The following CCDC178 variants were observed in gnomAD, a reference collection of about 807,000 sequenced individuals.
CCDC178 encodes coiled-coil domain-containing protein 178.
Under a neutral mutation model 117.4 loss-of-function variants are expected in CCDC178, and 126 were observed. The observed-to-expected ratio is 1.07, with a 90% confidence interval of 0.93 to 1.24. CCDC178 has a LOEUF of 1.24. Among genes scored for constraint, CCDC178 ranks in the 50% most tolerant of loss-of-function variants. CCDC178 has a pLI of 0.00. For missense variants in CCDC178, 1,030 were observed against 986.9 expected, an observed-to-expected ratio of 1.04 and a Z score of -0.59; for synonymous variants, 283 against 313.4, an observed-to-expected ratio of 0.90 and a Z score of 1.02.
chr18:32,979,850 A>C (rs561486241), intron 21 of CCDC178, among the ~76,000 whole-genome samples: 1 of 152,338 alleles, frequency 6.6e-6, no homozygotes, highest in South Asian at 2.1e-4. Flanking sequence ...ATTAAGAGTA[A>C]TATTAGGATC....
rs36227101 is a variant in CCDC178 at position 33,278,282 on chromosome 18, CATATATATATATATAT to C, written c.1177-11001_1177-10986del. Among the ~76,000 whole-genome samples the C allele has an allele frequency of 8.6e-3, 1,208 of 141,232 alleles. 18 individuals carry two copies. Among genetic ancestry groups the C allele is most frequent in the African/African-American group, 0.026 (998 of 38,208 alleles). The allele number at this position is 141,232 out of a possible 152,430, so 92.7% of individuals were successfully genotyped here. A position where few individuals can be genotyped will look rare whatever the true frequency, so the allele number is the denominator to read the frequency against. On this transcript the variant is annotated intron_variant, in intron 12 of 22. Coordinates refer to ENST00000383096, the MANE Select transcript of CCDC178 (RefSeq NM_001105528.4). Reference sequence around the variant, plus strand: ...ACATACACATATATATACACAAATACATATATATATATATATATATATATATATATATATTTACTTC... The same window carrying C: ...ACATACACATATATATACACAAATACATATATATATATATATATTTACTTC...
intron 21 of CCDC178, among the ~76,000 whole-genome samples, chr18:33,019,171 G>T (rs2056060860): frequency 6.6e-6 from 1 of 152,140 alleles, no homozygotes; most frequent in South Asian, 2.1e-4. Context: ...AATCGGCACT[G>T]TAAGTATTTT....
chr18:33,269,903 T>C (rs1462595379), intron 12 of CCDC178, among the ~76,000 whole-genome samples: 1 of 151,766 alleles, frequency 6.6e-6, no homozygotes, highest in Non-Finnish European at 1.5e-5. Context: ...ATAGAAATTA[T>C]CTCAGGGGAA....
intron 11 of CCDC178, among the ~76,000 whole-genome samples, chr18:33,302,612 C>T (rs1456813942): frequency 6.6e-6 from 1 of 152,152 alleles, no homozygotes; most frequent in Admixed American, 6.5e-5. Context: ...ATGGAATCAA[C>T]CTAGGTGTCC....
rs772741858 is a variant in CCDC178, at chr18:33,226,116, G to A, written c.1656+677C>T. ...GCAGAGGTTATGGTGAGCCAAGATC[G>A]TGCCACTGCACTCCAGCCTGGCGAC... On this transcript the variant is annotated intron_variant, in intron 16 of 22. Transcript: ENST00000383096. 7.8e-4 allele frequency among the ~76,000 whole-genome samples: 119 copies of A among 152,282 alleles called. 1 individual carries two copies. The highest frequency in any genetic ancestry group is 3.4e-3 in the Middle Eastern group (1 of 294).
chr18:33,272,868 G>A (rs1038549413), intron 12 of CCDC178, among the ~76,000 whole-genome samples: 1 of 151,116 alleles, frequency 6.6e-6, no homozygotes, highest in East Asian at 1.9e-4. Context: ...AAAAAATTCA[G>A]TAAACTAACA....
At chr18:33,140,793 A>T (rs544229923) in intron 20 of CCDC178, among the ~76,000 whole-genome samples, 16 of 152,298 alleles carry the variant, frequency 1.1e-4, no homozygotes, top group African/African-American at 3.8e-4. Flanking sequence ...TGGTTTTGAA[A>T]TGTCAGGACA....
chr18:33,173,714 G>A (rs767109500), intron 20 of CCDC178, among the ~76,000 whole-genome samples: 12 of 152,120 alleles, frequency 7.9e-5, no homozygotes, highest in Non-Finnish European at 1.5e-4. Flanking sequence ...TAAAGCTTCT[G>A]CCGTGACTGT....
intron 11 of CCDC178, among the ~76,000 whole-genome samples, chr18:33,303,323 C>T (rs1223319853): frequency 6.6e-6 from 1 of 151,980 alleles, no homozygotes; most frequent in Non-Finnish European, 1.5e-5. Context: ...CAGGGATTAC[C>T]AGGAGTTAGG....
chr18:33,408,182 TTAA>T (rs2144884861), intron 3 of CCDC178, among the ~76,000 whole-genome samples: 2 of 152,010 alleles, frequency 1.3e-5, no homozygotes, highest in South Asian at 4.1e-4. Context: ...AGAAAAAGTA[TTAA>T]TAAAATTCAC....
Position 33,226,833 on chromosome 18 carries a change from T to C in CCDC178, c.1616A>G (p.Lys539Arg), listed in dbSNP as rs201782989. The change falls in exon 16 of 23, where the codon AAA becomes AGA. Residue 539 changes from lysine (K) to arginine (R), a missense_variant. Physicochemically the swap from Lys to Arg is conservative, Grantham distance 26. Transcript: ENST00000383096. Reference protein sequence around the residue: ...KFKGREEFLKKLTQGEVAAGM... With the variant: ...KFKGREEFLKRLTQGEVAAGM... The stretch of plus-strand genomic sequence containing the variant: ...AGCAGCCACTTCACCTTGAGTGAGT[T>C]TTTTCAGGAATTCTTCTCTACCCTA... 1.4e-4 allele frequency: 230 copies of C among 1,601,904 alleles called. No individual in the cohort carries two copies. Among genetic ancestry groups the C allele is most frequent in the Non-Finnish European group, 1.8e-4 (208 of 1,172,320 alleles).
intron 20 of CCDC178, among the ~76,000 whole-genome samples, chr18:33,131,834 G>A (rs1479031495): frequency 6.6e-6 from 1 of 151,536 alleles, no homozygotes. Flanking sequence ...ATAATTCCAG[G>A]CCCAAGTCAG....
chr18:33,225,228 T>A (rs896616749), intron 16 of CCDC178, among the ~76,000 whole-genome samples: 3 of 151,948 alleles, frequency 2.0e-5, no homozygotes, highest in Admixed American at 1.3e-4. Flanking sequence ...AGTGGCATAA[T>A]CTCTGTTCAC....
intron 22 of CCDC178, among the ~76,000 whole-genome samples, chr18:32,961,853 G>C (rs2054711346): frequency 6.6e-6 from 1 of 152,000 alleles, no homozygotes; most frequent in South Asian, 2.1e-4. Context: ...TGGGGGTTGA[G>C]GACCCTTGGT....
chr18:33,322,651 T>C (rs1316787088), intron 11 of CCDC178, among the ~76,000 whole-genome samples: 1 of 151,484 alleles, frequency 6.6e-6, no homozygotes, highest in East Asian at 1.9e-4. Flanking sequence ...ATGATAAAAA[T>C]TAGAAAATAT....
At chr18:33,349,225 A>AT (rs1033600474) in intron 7 of CCDC178, among the ~76,000 whole-genome samples, 8 of 151,862 alleles carry the variant, frequency 5.3e-5, no homozygotes, top group African/African-American at 1.4e-4. Flanking sequence ...TTAAAACTAC[A>AT]TTTTTTTAAA....
chr18:33,215,637 A>G lies in CCDC178; in HGVS notation c.1991T>C (p.Phe664Ser). The G allele has an allele frequency of 1.3e-6, 2 of 1,535,372 alleles. No individual in the cohort carries two copies. Among genetic ancestry groups the G allele is most frequent in the Non-Finnish European group, 1.7e-6 (2 of 1,148,442 alleles). Residue 664 changes from phenylalanine (F) to serine (S), a missense_variant, in exon 19 of 23, where the codon TTT becomes TCT. Physicochemically the swap from Phe to Ser is radical, Grantham distance 155. Coordinates refer to ENST00000383096, the MANE Select transcript of CCDC178 (RefSeq NM_001105528.4). ...LEATKSKTMI[F>S]YAKINELNEE... is the part of the protein sequence containing the mutation. ...ATTCAATTCATTTATTTTTGCATAA[A>G]AAATCATTGTCTTACTTTTAGTTGC...
intron 21 of CCDC178, among the ~76,000 whole-genome samples, chr18:33,001,492 G>A (rs1305418420): frequency 6.6e-6 from 1 of 151,928 alleles, no homozygotes; most frequent in Non-Finnish European, 1.5e-5. Flanking sequence ...CACCCTGGGC[G>A]ACAGAGCGAG....
At chr18:33,156,083 T>A (rs1200629216) in intron 20 of CCDC178, among the ~76,000 whole-genome samples, 3 of 72,004 alleles carry the variant, frequency 4.2e-5, no homozygotes, top group Admixed American at 2.9e-4. Flanking sequence ...TAGAAAACAC[T>A]TTTTTTTTTT....
Sources: allele counts gnomAD v4.1 joint callset (sites outside exome capture counted in the v4.1 genomes callset), GRCh38; gene constraint gnomAD v4.1.1; transcripts MANE v1.5; gene names NCBI Gene and HGNC (gene_info 2026-07-23, HGNC 2026-07-21).